The following TNFRSF10C variants were observed in gnomAD, a reference collection of about 807,000 sequenced individuals.
The protein encoded by TNFRSF10C is TNF receptor superfamily member 10c.
A neutral mutation model predicts 16.7 loss-of-function variants in TNFRSF10C; 17 were observed. The ratio of observed to expected loss-of-function variants is 1.02; its 90% CI spans 0.70 to 1.53. The LOEUF (loss-of-function observed/expected upper bound fraction) is 1.53, where lower values mean the gene tolerates loss of function less well. TNFRSF10C is among the 40% of genes most tolerant of loss of function. TNFRSF10C has a pLI of 0.00. For synonymous variants in TNFRSF10C, 73 were observed against 119.7 expected (o/e 0.61, Z 2.55); for missense variants, 237 against 329.7 (o/e 0.72, Z 2.18).
chr8:23,117,135 T>A lies in TNFRSF10C; in HGVS notation c.*104T>A. The A allele has an allele frequency of 6.6e-7, 1 of 1,512,228 alleles. No homozygotes were observed. The highest frequency in any genetic ancestry group is 8.9e-7 in the Non-Finnish European group (1 of 1,128,714). The allele number at this position is 1,512,228 out of a possible 1,614,324, so 93.7% of individuals were successfully genotyped here. On this transcript the variant is annotated 3_prime_UTR_variant, in exon 5 of 5. Transcript: ENST00000356864. The stretch of plus-strand genomic sequence containing the variant: ...CACTCTCTGCCCTGCCTCCCTCTGC[T>A]GTGTTCCCACAGACAGAAACGCCTG...
intron 1 of TNFRSF10C, among the ~76,000 whole-genome samples, chr8:23,110,028 C>G (rs781515784): frequency 7.9e-6 from 1 of 126,154 alleles, no homozygotes; most frequent in African/African-American, 3.1e-5. Context: ...CACCACTGCA[C>G]TCTGCGCTCC....
chr8:23,111,069 A>T (rs1049782745), intron 1 of TNFRSF10C, among the ~76,000 whole-genome samples: 7 of 152,194 alleles, frequency 4.6e-5, no homozygotes, highest in Non-Finnish European at 1.0e-4. Flanking sequence ...CACACCTGTG[A>T]ATAGCCACTG....
intron 1 of TNFRSF10C, among the ~76,000 whole-genome samples, chr8:23,110,069 CAAAAA>C (rs56263402): frequency 1.0e-3 from 40 of 39,642 alleles, no homozygotes; most frequent in Non-Finnish European, 1.2e-3. Context: ...ACCCTGTCTC[CAAAAA>C]AAAAAAAAAA....
rs778804388 is a variant in TNFRSF10C at position 23,111,735 on chromosome 8, G to A, written c.76G>A (p.Ala26Thr). The A allele has an allele frequency of 1.2e-6, 2 of 1,613,810 alleles. No homozygotes were observed. Among genetic ancestry groups the A allele is most frequent in the East Asian group, 2.2e-5 (1 of 44,878 alleles). The change falls in exon 2 of 5, where the codon GCC becomes ACC. Residue 26 changes from alanine (A) to threonine (T), a missense_variant. Transcript: ENST00000356864. ...GTCCCCACAGGTCCTAGCTTACTCT[G>A]CCACCACTGCCCGGCAGGAGGAAGT... ...AVLLPVLAYS[A>T]TTARQEEVPQ...
At chr8:23,104,982 C>T (rs1473647213) in intron 1 of TNFRSF10C, among the ~76,000 whole-genome samples, 1 of 152,154 alleles carries the variant, frequency 6.6e-6, no homozygotes, top group Admixed American at 6.5e-5. Flanking sequence ...TTCAGATGAG[C>T]CTGGAGCTGA....
intron 2 of TNFRSF10C, among the ~76,000 whole-genome samples, chr8:23,112,181 T>A (rs551457137): frequency 6.6e-6 from 1 of 152,332 alleles, no homozygotes; most frequent in South Asian, 2.1e-4. Context: ...TAAAAAGCAA[T>A]GCAGTATAGC....
intron 1 of TNFRSF10C, chr8:23,103,394 C>T: frequency 1.2e-6 from 1 of 808,936 alleles, no homozygotes. Context: ...AGGCGGTCCC[C>T]CTGGCTGCCC....
intron 1 of TNFRSF10C, among the ~76,000 whole-genome samples, chr8:23,108,077 G>A (rs1813811332): frequency 6.6e-6 from 1 of 152,136 alleles, no homozygotes; most frequent in South Asian, 2.1e-4. Flanking sequence ...AGAAAGAACT[G>A]GTTTGAGGGG....
chr8:23,108,487 G>A (rs888351277), intron 1 of TNFRSF10C, among the ~76,000 whole-genome samples: 2 of 152,152 alleles, frequency 1.3e-5, no homozygotes, highest in African/African-American at 4.8e-5. Flanking sequence ...CAGAAGCGGG[G>A]ACCCCTCTCC....
At chr8:23,111,164 T>C (rs1258577740) in intron 1 of TNFRSF10C, among the ~76,000 whole-genome samples, 1 of 152,176 alleles carries the variant, frequency 6.6e-6, no homozygotes, top group Non-Finnish European at 1.5e-5. Context: ...GGTAAATTTA[T>C]GTTATAATAT....
chr8:23,106,481 G>A (rs1408009746), intron 1 of TNFRSF10C, among the ~76,000 whole-genome samples: 1 of 150,266 alleles, frequency 6.7e-6, no homozygotes, highest in African/African-American at 2.5e-5. Flanking sequence ...ACCTAAGAGA[G>A]GTCCACAGGA....
At chr8:23,103,210 G>T (rs1228899713) in intron 1 of TNFRSF10C, 29 bp downstream of exon 1, 2 of 1,602,072 alleles carry the variant, frequency 1.2e-6, no homozygotes, top group Non-Finnish European at 1.7e-6. Flanking sequence ...CCCTGGCTGG[G>T]GAAGAGCGCA....
chr8:23,106,714 C>T (rs1356149983), intron 1 of TNFRSF10C, among the ~76,000 whole-genome samples: 11 of 152,256 alleles, frequency 7.2e-5, no homozygotes, highest in African/African-American at 2.2e-4. Flanking sequence ...CAGCTGGGTG[C>T]GGTGGCTCAC....
intron 1 of TNFRSF10C, 57 bp downstream of exon 1, chr8:23,103,238 G>T: frequency 1.3e-6 from 2 of 1,581,512 alleles, no homozygotes; most frequent in South Asian, 2.3e-5. Context: ...CCGGGAGGGG[G>T]CAGGGAGACG....
At chr8:23,113,764 T>G (rs1243856190) in intron 2 of TNFRSF10C, among the ~76,000 whole-genome samples, 3 of 152,174 alleles carry the variant, frequency 2.0e-5, no homozygotes, top group Admixed American at 6.6e-5. Flanking sequence ...TTGTTTTGCT[T>G]AAGATCACTT....
chr8:23,112,202 A>G (rs961075878), intron 2 of TNFRSF10C, among the ~76,000 whole-genome samples: 1 of 152,278 alleles, frequency 6.6e-6, no homozygotes, highest in African/African-American at 2.4e-5. Context: ...ACTTATTTAC[A>G]TAGCATGTCT....
At chr8:23,103,315 C>T (rs1453455980) in intron 1 of TNFRSF10C, 134 bp downstream of exon 1, 4 of 1,468,630 alleles carry the variant, frequency 2.7e-6, no homozygotes, top group Admixed American at 4.0e-5. Flanking sequence ...GACGAACTCG[C>T]CGTCGGAGTC....
chr8:23,106,726 C>T (rs1215464085), intron 1 of TNFRSF10C, among the ~76,000 whole-genome samples: 1 of 152,178 alleles, frequency 6.6e-6, no homozygotes, highest in Non-Finnish European at 1.5e-5. Flanking sequence ...GTGGCTCACG[C>T]CTGTAATCCC....
At chr8:23,115,460 G>GGAT (rs1414398059) in intron 3 of TNFRSF10C, 48 bp from the exon 4 acceptor site, 1 of 1,523,926 alleles carries the variant, frequency 6.6e-7, no homozygotes, top group Non-Finnish European at 9.1e-7. Flanking sequence ...GAAGATCGAG[G>GGAT]GATACATCAG....
Sources: gnomAD v4.1 joint callset for allele counts (sites outside exome capture counted in the v4.1 genomes callset) on GRCh38, gnomAD v4.1.1 for gene constraint, MANE v1.5 for transcripts, NCBI Gene and HGNC (gene_info 2026-07-23, HGNC 2026-07-21) for gene names.